AGBL1: variants seen among roughly 807,000 people sequenced by gnomAD.
AGBL1 encodes cytosolic carboxypeptidase 4.
In AGBL1, 130 loss-of-function variants were observed where a neutral mutation model predicts 118.9. The ratio of observed to expected loss-of-function variants is 1.09; its 90% CI spans 0.95 to 1.26. The LOEUF is 1.26. Ranked by LOEUF, AGBL1 falls within the 50% of genes most tolerant of loss-of-function variation. The pLI, the probability that AGBL1 is intolerant of heterozygous loss-of-function variation, is 0.00. For missense variants in AGBL1, 1,584 were observed against 1,298.1 expected, an observed-to-expected ratio of 1.22 and a Z score of -3.38; for synonymous variants, 555 against 478.9, an observed-to-expected ratio of 1.16 and a Z score of -2.08.
intron 22 of AGBL1, among the ~76,000 whole-genome samples, chr15:86,773,537 G>A (rs1365708173): frequency 1.5e-5 from 2 of 129,098 alleles, no homozygotes; most frequent in African/African-American, 6.1e-5. Context: ...GGTGTGTGAT[G>A]TTCCCCTTAC....
intron 17 of AGBL1, among the ~76,000 whole-genome samples, chr15:86,381,695 C>CG (rs1462192003): frequency 6.6e-6 from 1 of 152,132 alleles, no homozygotes; most frequent in East Asian, 1.9e-4. Context: ...TGAAACACGA[C>CG]GTAACCAGAA....
At chr15:86,577,288 C>T (rs2084105524) in intron 21 of AGBL1, among the ~76,000 whole-genome samples, 1 of 152,090 alleles carries the variant, frequency 6.6e-6, no homozygotes, top group African/African-American at 2.4e-5. Flanking sequence ...CATTTTTCCC[C>T]TGCCCTAGTG....
At chr15:86,928,764 G>A (rs1378801623) in intron 23 of AGBL1, among the ~76,000 whole-genome samples, 1 of 152,142 alleles carries the variant, frequency 6.6e-6, no homozygotes, top group Non-Finnish European at 1.5e-5. Flanking sequence ...TCATTTGAAT[G>A]AATGAAAGTA....
At chr15:86,957,921 G>T (rs2080947393) in intron 23 of AGBL1, among the ~76,000 whole-genome samples, 1 of 151,978 alleles carries the variant, frequency 6.6e-6, no homozygotes, top group Non-Finnish European at 1.5e-5. Flanking sequence ...CATGTTTGAG[G>T]CCAGGCACGG....
chr15:86,307,858 C>T (rs1193023062), intron 17 of AGBL1, among the ~76,000 whole-genome samples: 2 of 152,072 alleles, frequency 1.3e-5, no homozygotes, highest in Non-Finnish European at 2.9e-5. Flanking sequence ...TCTATGTATA[C>T]ACAATCCAAT....
At chr15:86,512,319 G>T (rs181249016) in intron 18 of AGBL1, among the ~76,000 whole-genome samples, 1 of 152,032 alleles carries the variant, frequency 6.6e-6, no homozygotes, top group East Asian at 1.9e-4. Context: ...TATGGGGAAT[G>T]ATATTTCCTA....
At chr15:86,561,748 A>G (rs1004641907) in intron 21 of AGBL1, among the ~76,000 whole-genome samples, 1 of 152,160 alleles carries the variant, frequency 6.6e-6, no homozygotes, top group African/African-American at 2.4e-5. Flanking sequence ...CTTGGGCAAT[A>G]TGGCCATTTT....
intron 18 of AGBL1, among the ~76,000 whole-genome samples, chr15:86,511,598 G>T (rs1178473862): frequency 6.6e-6 from 1 of 152,014 alleles, no homozygotes. Flanking sequence ...ACTTTCTCAT[G>T]TGCAAAATGG....
At chr15:86,723,364 AT>A (rs2086763692) in intron 22 of AGBL1, among the ~76,000 whole-genome samples, 3 of 152,258 alleles carry the variant, frequency 2.0e-5, no homozygotes, top group Admixed American at 1.3e-4. Flanking sequence ...AGGGACATGG[AT>A]GAAGCTGGAA....
chr15:86,949,499 T>C lies in AGBL1; in HGVS notation c.3222-38488T>C, dbSNP rs116146872. Among the ~76,000 whole-genome samples the C allele has an allele frequency of 8.4e-3, 1,276 of 152,160 alleles. 18 individuals are homozygous for C. The highest frequency in any genetic ancestry group is 0.034 in the Middle Eastern group (10 of 294). ...AACTCCTAGAATAGAGAGGATAACA[T>C]AGATATTTCAGGCTGTCAAATAATC... is the stretch of plus-strand genomic sequence containing the variant. On this transcript the variant is annotated intron_variant, in intron 23 of 24. Transcript: ENST00000441037.
At chr15:86,358,462 C>T (rs1045933090) in intron 17 of AGBL1, among the ~76,000 whole-genome samples, 8 of 151,912 alleles carry the variant, frequency 5.3e-5, no homozygotes, top group Non-Finnish European at 7.4e-5. Flanking sequence ...AATATCTTGG[C>T]GGTTGTGAAT....
intron 18 of AGBL1, among the ~76,000 whole-genome samples, chr15:86,413,749 G>C (rs754736095): frequency 1.6e-4 from 24 of 152,068 alleles, no homozygotes; most frequent in Non-Finnish European, 3.1e-4. Context: ...AGTTGTTTGT[G>C]TTCCTTGTAA....
intron 21 of AGBL1, among the ~76,000 whole-genome samples, chr15:86,618,306 A>G (rs569593375): frequency 6.6e-6 from 1 of 152,328 alleles, no homozygotes; most frequent in East Asian, 1.9e-4. Context: ...GCAAGCCATT[A>G]GGATGAGGCT....
At chr15:86,709,703 A>G (rs968070029) in intron 22 of AGBL1, among the ~76,000 whole-genome samples, 1 of 152,186 alleles carries the variant, frequency 6.6e-6, no homozygotes, top group African/African-American at 2.4e-5. Context: ...CTATGGGAAG[A>G]CAGCATGGTG....
At chr15:86,639,255 TG>T (rs1259839097) in intron 21 of AGBL1, among the ~76,000 whole-genome samples, 57 of 152,296 alleles carry the variant, frequency 3.7e-4, no homozygotes, top group African/African-American at 1.3e-3. Flanking sequence ...AGGGTCATCT[TG>T]GAAGTCTGCC....
At position 86,815,764 on chromosome 15, in the gene AGBL1, C is replaced by T. The variant is rs970367366; in HGVS notation, c.3159-91323C>T. On this transcript the variant is annotated intron_variant, in intron 22 of 22. Coordinates refer to ENST00000614907, the MANE Select transcript of AGBL1 (RefSeq NM_001386094.1). The stretch of plus-strand genomic sequence containing the variant: ...CCAGCTCTAAGTAACACTCTATCCC[C>T]GTCCTCTCCTCTTCTACCTCCCAGA... Among the ~76,000 whole-genome samples, 8 of 152,180 alleles carry T rather than the reference C, an allele frequency of 5.3e-5. No individual in the cohort carries two copies. In the East Asian group the frequency reaches 9.7e-4, roughly 18 times the overall value.
At chr15:86,995,882 T>C (rs1019557192) in intron 24 of AGBL1, among the ~76,000 whole-genome samples, 9 of 152,196 alleles carry the variant, frequency 5.9e-5, no homozygotes, top group African/African-American at 2.2e-4. Context: ...AGGAGTGTAT[T>C]TTCTCCAGCC....
At chr15:86,283,609 G>T (rs62013859) in intron 16 of AGBL1, among the ~76,000 whole-genome samples, 5,006 of 152,240 alleles carry the variant, frequency 0.033, 109 homozygotes, top group Middle Eastern at 0.071. Context: ...AAGAGTTTAA[G>T]AAGTGTCCAG....
intron 21 of AGBL1, among the ~76,000 whole-genome samples, chr15:86,632,384 G>A (rs1018270732): frequency 6.6e-5 from 10 of 151,810 alleles, no homozygotes; most frequent in East Asian, 5.8e-4. Flanking sequence ...CGGAGGTTGC[G>A]GTGAGCCGAG....
Sources: allele counts gnomAD v4.1 joint callset (sites outside exome capture counted in the v4.1 genomes callset), GRCh38; gene constraint gnomAD v4.1.1; transcripts MANE v1.5; gene names NCBI Gene and HGNC (gene_info 2026-07-23, HGNC 2026-07-21).